Variants in PEPD observed in about 807,000 individuals in gnomAD.
PEPD encodes xaa-Pro dipeptidase.
PEPD carries 53 observed loss-of-function variants against 60.7 expected under a neutral mutation model. The ratio of observed to expected loss-of-function variants is 0.87; its 90% CI spans 0.70 to 1.10. The LOEUF is 1.10. PEPD is among the 50% of genes least tolerant of loss of function. PEPD has a pLI of 0.00. For synonymous variants in PEPD, 267 were observed against 284.1 expected, an observed-to-expected ratio of 0.94 and a Z score of 0.60; for missense variants, 711 against 711.9, an observed-to-expected ratio of 1.00 and a Z score of 0.01.
chr19:33,433,172 T>C (rs141707899), intron 9 of PEPD, among the ~76,000 whole-genome samples: 61 of 152,366 alleles, frequency 4.0e-4, no homozygotes, highest in African/African-American at 1.4e-3. Context: ...GCACAGAACA[T>C]GCTGGGTGAT....
At chr19:33,436,732 C>T (rs1455040959) in intron 9 of PEPD, among the ~76,000 whole-genome samples, 1 of 152,246 alleles carries the variant, frequency 6.6e-6, no homozygotes, top group Admixed American at 6.5e-5. Flanking sequence ...GGGTCACTGG[C>T]CTGCCCACCC....
Position 33,452,923 on chromosome 19 carries a change from C to G in PEPD, c.671+10072G>C, listed in dbSNP as rs1969723187. The stretch of plus-strand genomic sequence containing the variant: ...AAAAACATGGGGGTGCTTCCCAAAA[C>G]ATGATCTCAAAAACCTTGGTCTCAA... On this transcript the variant is annotated intron_variant, in intron 9 of 14. Transcript: ENST00000244137. Among the ~76,000 whole-genome samples, 2 of 152,184 alleles carry G rather than the reference C, an allele frequency of 1.3e-5. 1 individual carries two copies. Among genetic ancestry groups the G allele is most frequent in the South Asian group, 4.1e-4 (2 of 4,834 alleles).
intron 7 of PEPD, among the ~76,000 whole-genome samples, chr19:33,465,733 G>A (rs890368734): frequency 1.3e-5 from 2 of 151,996 alleles, no homozygotes; most frequent in African/African-American, 2.4e-5. Context: ...TACAGATAGC[G>A]ACACTGAGAC....
At chr19:33,474,353 G>A (rs1970178153) in intron 7 of PEPD, among the ~76,000 whole-genome samples, 1 of 152,186 alleles carries the variant, frequency 6.6e-6, no homozygotes, top group Non-Finnish European at 1.5e-5. Flanking sequence ...TCTGTAGCAT[G>A]GAAATAACTA....
chr19:33,409,505 TTA>T (rs1366768438), intron 11 of PEPD, among the ~76,000 whole-genome samples: 2 of 152,152 alleles, frequency 1.3e-5, no homozygotes, highest in Non-Finnish European at 2.9e-5. Context: ...CCCTGTCTTT[TTA>T]ATATTAAAAA....
intron 11 of PEPD, among the ~76,000 whole-genome samples, chr19:33,405,881 G>A (rs1600089214): frequency 1.3e-5 from 2 of 152,264 alleles, no homozygotes; most frequent in South Asian, 4.1e-4. Context: ...CATGACAGCA[G>A]CAGCTTCTGG....
chr19:33,388,738 A>G (rs1356808786), intron 13 of PEPD: 1 of 168,240 alleles, frequency 5.9e-6, no homozygotes, highest in East Asian at 1.5e-4. Flanking sequence ...AATAGCCCCC[A>G]GCCTTGGAGA....
In PEPD at chr19:33,512,610, C is replaced by T. The variant is rs748037244; in HGVS notation, c.184G>A (p.Gly62Arg). The change falls in exon 2 of 15, where the codon GGG becomes AGG. Residue 62 changes from glycine to arginine, a missense_variant. Transcript: ENST00000244137. ...AGGCTCACCTGGCGGAAGAGGACCC[C>T]GGTGTCGGTGCAGTAGCGCTGAGTC... ...EETQRYCTDT[G>R]VLFRQESFFH... 3.3e-5 allele frequency: 54 copies of T among 1,613,670 alleles called. No homozygotes were observed. The highest frequency in any genetic ancestry group is 4.4e-5 in the South Asian group (4 of 91,078).
At chr19:33,509,119 C>T (rs430752) in intron 3 of PEPD, among the ~76,000 whole-genome samples, 55,479 of 152,210 alleles carry the variant, frequency 0.36, 10,362 homozygotes, top group South Asian at 0.55. Context: ...GAGCCATCTC[C>T]TCTTTTGTAA....
chr19:33,389,554 C>T (rs945793337), intron 13 of PEPD, among the ~76,000 whole-genome samples: 6 of 152,204 alleles, frequency 3.9e-5, no homozygotes, highest in Non-Finnish European at 7.3e-5. Context: ...AGTGTCCGTC[C>T]CTGTCTCCAC....
chr19:33,507,341 A>T (rs1480291861), intron 3 of PEPD, among the ~76,000 whole-genome samples: 1 of 152,120 alleles, frequency 6.6e-6, no homozygotes, highest in Non-Finnish European at 1.5e-5. Context: ...AAATGCTCTC[A>T]CATCAAAAAG....
chr19:33,401,119 T>C (rs1600084989), intron 12 of PEPD, among the ~76,000 whole-genome samples: 2 of 152,284 alleles, frequency 1.3e-5, no homozygotes, highest in Admixed American at 6.5e-5. Context: ...TGGCCTACGC[T>C]GGCCGCTGGG....
intron 11 of PEPD, among the ~76,000 whole-genome samples, chr19:33,410,664 C>T (rs1968743613): frequency 6.6e-6 from 1 of 152,164 alleles, no homozygotes; most frequent in African/African-American, 2.4e-5. Context: ...AGAGGACATG[C>T]CATGCTGCTG....
rs762723153 is a variant in PEPD, at chr19:33,411,766, G to T, written c.741-17C>A. ...TTCTCACCACTGCAAAGAGCCGGGG[G>T]AGGGTGATCAAAGCCCATTCTTCTG... On this transcript the variant is annotated splice_polypyrimidine_tract_variant and intron_variant, in intron 10 of 14. Coordinates refer to ENST00000244137, the MANE Select transcript of PEPD (RefSeq NM_000285.4). 1.4e-5 allele frequency: 21 copies of T among 1,547,026 alleles called. No individual in the cohort carries two copies. The Middle Eastern group carries it at 5.0e-4, about 37-fold the overall frequency.
chr19:33,421,697 G>A (rs552067537), intron 9 of PEPD, among the ~76,000 whole-genome samples: 14 of 151,988 alleles, frequency 9.2e-5, no homozygotes, highest in South Asian at 6.2e-4. Context: ...GTCTCGCTAC[G>A]TTGCCCAGGC....
intron 9 of PEPD, among the ~76,000 whole-genome samples, chr19:33,428,261 G>T (rs747387549): frequency 2.0e-5 from 3 of 152,188 alleles, no homozygotes; most frequent in Non-Finnish European, 4.4e-5. Context: ...CGGGTTTCCT[G>T]ATGTGCTTTG....
chr19:33,406,853 G>C (rs1422462917), intron 11 of PEPD, among the ~76,000 whole-genome samples: 1 of 152,128 alleles, frequency 6.6e-6, no homozygotes, highest in Non-Finnish European at 1.5e-5. Context: ...TCTAGCCAGG[G>C]AAGGAGGGGA....
At chr19:33,400,873 CT>C (rs1384093964) in intron 12 of PEPD, among the ~76,000 whole-genome samples, 1 of 151,722 alleles carries the variant, frequency 6.6e-6, no homozygotes, top group Non-Finnish European at 1.5e-5. Flanking sequence ...CCTGCCAGGG[CT>C]ATGGAGGACC....
At chr19:33,473,431 C>T (rs1276804591) in intron 7 of PEPD, among the ~76,000 whole-genome samples, 1 of 152,096 alleles carries the variant, frequency 6.6e-6, no homozygotes, top group Non-Finnish European at 1.5e-5. Context: ...ACAGAGAGGC[C>T]GGGGAGCAGA....
Sources: allele counts gnomAD v4.1 joint callset (sites outside exome capture counted in the v4.1 genomes callset), GRCh38; gene constraint gnomAD v4.1.1; transcripts MANE v1.5; gene names NCBI Gene and HGNC (gene_info 2026-07-23, HGNC 2026-07-21).